Variants in EXOSC7 observed in about 807,000 individuals in gnomAD.
EXOSC7 encodes the protein exosome component 7.
Under a neutral mutation model 34.3 loss-of-function variants are expected in EXOSC7, and 25 were observed. That is an observed-to-expected ratio of 0.73 (90% CI 0.53 to 1.02). The LOEUF (loss-of-function observed/expected upper bound fraction) is 1.02. Among genes scored for constraint, EXOSC7 ranks in the 50% least tolerant of loss-of-function variants. The probability of loss-of-function intolerance (pLI) is 0.00; values close to 1 mark genes in which losing one functional copy is unlikely to be tolerated. For synonymous variants in EXOSC7, 130 were observed against 143.0 expected (o/e 0.91, Z 0.65); for missense variants, 370 against 368.5 (o/e 1.00, Z -0.03).
chr3:44,979,478 G>A (rs1197355528), intron 1 of EXOSC7, among the ~76,000 whole-genome samples: 1 of 152,152 alleles, frequency 6.6e-6, no homozygotes. Context: ...TTAACCTCAC[G>A]ATGTGTTGAG....
chr3:44,999,743 A>G (rs1706823730), intron 4 of EXOSC7, among the ~76,000 whole-genome samples: 1 of 152,210 alleles, frequency 6.6e-6, no homozygotes, highest in Admixed American at 6.5e-5. Context: ...TTAGAAAAGC[A>G]TTTTTGAAAA....
intron 1 of EXOSC7, among the ~76,000 whole-genome samples, chr3:44,987,230 C>T (rs904293166): frequency 6.6e-6 from 1 of 151,912 alleles, no homozygotes; most frequent in Non-Finnish European, 1.5e-5. Context: ...TGAAGAGAAA[C>T]CTAGGGTGAA....
chr3:44,987,367 A>C (rs1706449662), intron 1 of EXOSC7, among the ~76,000 whole-genome samples: 1 of 152,262 alleles, frequency 6.6e-6, no homozygotes, highest in South Asian at 2.1e-4. Flanking sequence ...ATAAGTAATT[A>C]AAAGTAACCA....
At chr3:44,998,437 G>A (rs529719211) in intron 4 of EXOSC7, among the ~76,000 whole-genome samples, 14 of 152,254 alleles carry the variant, frequency 9.2e-5, no homozygotes, top group African/African-American at 2.2e-4. Context: ...CTCTTGTTGG[G>A]TCTGTTTTGA....
intron 1 of EXOSC7, among the ~76,000 whole-genome samples, chr3:44,984,935 A>G (rs956684618): frequency 1.3e-5 from 2 of 152,228 alleles, no homozygotes; most frequent in Non-Finnish European, 2.9e-5. Flanking sequence ...ACTAATCCAG[A>G]GAGGGAAGGG....
At chr3:44,996,847 A>G (rs73829700) in intron 3 of EXOSC7, among the ~76,000 whole-genome samples, 1,641 of 152,314 alleles carry the variant, frequency 0.011, 42 homozygotes, top group African/African-American at 0.037. Context: ...CTTCTGTTAG[A>G]TGCTATTGGG....
At position 44,979,537 on chromosome 3, in the gene EXOSC7, G is replaced by T. The variant is rs148016903; in HGVS notation, c.57+3203G>T. 7.4e-3 allele frequency among the ~76,000 whole-genome samples: 1,119 copies of T among 152,160 alleles called. 12 individuals are homozygous for T. Among genetic ancestry groups the T allele is most frequent in the Middle Eastern group, 0.024 (7 of 292 alleles). ...CCAACACATCGGCTCAAGCAAAACA[G>T]TATGGATTACAAGGCTGCAAGTGTT... On this transcript the variant is annotated intron_variant, in intron 1 of 7. Coordinates refer to ENST00000265564, the MANE Select transcript of EXOSC7 (RefSeq NM_015004.4).
chr3:44,976,267 A>T lies in EXOSC7; in HGVS notation c.-11A>T. ...GCAGATGACGTGCGGCTCGTGGGGC[A>T]GCTCGGCAGCATGGCGTCCGTGACG... On this transcript the variant is annotated 5_prime_UTR_variant, in exon 1 of 8. Coordinates refer to ENST00000265564, the MANE Select transcript of EXOSC7 (RefSeq NM_015004.4). The T allele has an allele frequency of 6.4e-7, 1 of 1,550,528 alleles. No homozygotes were observed. Among genetic ancestry groups the T allele is most frequent in the Middle Eastern group, 1.8e-4 (1 of 5,574 alleles).
intron 3 of EXOSC7, among the ~76,000 whole-genome samples, chr3:44,996,753 A>G (rs543837473): frequency 3.0e-4 from 46 of 152,344 alleles, no homozygotes; most frequent in African/African-American, 1.1e-3. Context: ...AGTATTTATT[A>G]TACTCTGAAG....
intron 1 of EXOSC7, among the ~76,000 whole-genome samples, chr3:44,981,030 C>T (rs941882355): frequency 6.6e-6 from 1 of 152,094 alleles, no homozygotes; most frequent in Non-Finnish European, 1.5e-5. Flanking sequence ...CCTCTTAGCC[C>T]AGGGATTCTG....
rs1277519344 is a variant in EXOSC7, at chr3:44,981,172, C to T, written c.57+4838C>T. On this transcript the variant is annotated intron_variant, in intron 1 of 7. Coordinates refer to ENST00000265564, the MANE Select transcript of EXOSC7 (RefSeq NM_015004.4). ...CATAAAGTGTTGGGAAATTTGGGGG[C>T]AGCCACCAGACATTGGCCCATGGGT... Among the ~76,000 whole-genome samples the T allele has an allele frequency of 1.3e-5, 2 of 152,172 alleles. 1 individual carries two copies. Among genetic ancestry groups the T allele is most frequent in the African/African-American group, 4.8e-5 (2 of 41,432 alleles).
intron 3 of EXOSC7, among the ~76,000 whole-genome samples, chr3:44,994,386 G>A (rs1227875238): frequency 1.3e-5 from 2 of 149,764 alleles, no homozygotes; most frequent in Admixed American, 1.3e-4. Context: ...TTTTTTTTAA[G>A]GTGGACCTTA....
chr3:45,005,177 C>T (rs1268473687), intron 5 of EXOSC7, 114 bp from the exon 6 acceptor site: 2 of 1,184,998 alleles, frequency 1.7e-6, no homozygotes, highest in East Asian at 4.7e-5. Context: ...AAAGAATAGG[C>T]ATAGCGTGTC....
intron 3 of EXOSC7, among the ~76,000 whole-genome samples, chr3:44,993,099 G>A (rs751699991): frequency 2.6e-5 from 4 of 152,096 alleles, no homozygotes; most frequent in Non-Finnish European, 5.9e-5. Context: ...GCTGGGGGTG[G>A]GTACAAAGCA....
chr3:44,999,652 G>A (rs1390936837), intron 4 of EXOSC7, among the ~76,000 whole-genome samples: 1 of 151,900 alleles, frequency 6.6e-6, no homozygotes, highest in Non-Finnish European at 1.5e-5. Flanking sequence ...TGGTGCCACT[G>A]CACTCCATCC....
chr3:44,997,031 T>A, intron 3 of EXOSC7, 56 bp from the exon 4 acceptor site: 1 of 1,567,058 alleles, frequency 6.4e-7, no homozygotes. Context: ...GCTTTGCCTC[T>A]TTGCTTTTTG....
At position 45,007,569 on chromosome 3, in the gene EXOSC7, G is replaced by A; in HGVS notation, c.765G>A (p.Met255Ile). Residue 255 changes from methionine to isoleucine, a missense_variant, in exon 7 of 8, where the codon ATG (methionine) becomes ATA (isoleucine). This residue lies in a region of EXOSC7 where 255 missense variants were observed against 246.4 expected (regional missense o/e 1.03). Coordinates refer to ENST00000265564, the MANE Select transcript of EXOSC7 (RefSeq NM_015004.4). ...TGGACCCAGAGAGCATCTTCGAGAT[G>A]ATGGAGGTGAGGCCTTAGTTCTGAG... is the stretch of plus-strand genomic sequence containing the variant. ...GSLDPESIFE[M>I]METGKRVGKV... 2 of 1,606,248 alleles carry A rather than the reference G, an allele frequency of 1.2e-6. No homozygotes were observed. The highest frequency in any genetic ancestry group is 1.7e-6 in the Non-Finnish European group (2 of 1,175,966).
chr3:44,991,233 C>T (rs1343823348), intron 3 of EXOSC7, among the ~76,000 whole-genome samples: 2 of 152,158 alleles, frequency 1.3e-5, no homozygotes, highest in Non-Finnish European at 2.9e-5. Flanking sequence ...CCATTCCTGT[C>T]CCCTACTCTG....
chr3:45,005,204 C>T, intron 5 of EXOSC7, 87 bp from the exon 6 acceptor site: 1 of 1,464,604 alleles, frequency 6.8e-7, no homozygotes, highest in South Asian at 1.2e-5. Flanking sequence ...TTGTGAGACA[C>T]AGGGATTCCA....
Sources: gnomAD v4.1 joint callset for allele counts (sites outside exome capture counted in the v4.1 genomes callset) on GRCh38, gnomAD v4.1.1 for gene constraint, gnomAD v4.1.1 regional missense constraint, MANE v1.5 for transcripts, NCBI Gene and HGNC (gene_info 2026-07-23, HGNC 2026-07-21) for gene names.